Variants in TTC39B observed in about 807,000 individuals in gnomAD.
The protein encoded by TTC39B is tetratricopeptide repeat domain 39B.
In TTC39B, 92 loss-of-function variants were observed where a neutral mutation model predicts 96.6. That is an observed-to-expected ratio of 0.95 (90% CI 0.80 to 1.13). The LOEUF (loss-of-function observed/expected upper bound fraction) is 1.13, where lower values mean the gene tolerates loss of function less well. Ranked by LOEUF, TTC39B falls within the 50% of genes most tolerant of loss-of-function variation. The pLI is 0.00. For missense variants in TTC39B, 955 were observed against 809.3 expected (o/e 1.18, Z -2.18); for synonymous variants, 367 against 299.4 (o/e 1.23, Z -2.33).
chr9:15,296,769 T>C (rs1824395617), intron 1 of TTC39B, among the ~76,000 whole-genome samples: 1 of 152,102 alleles, frequency 6.6e-6, no homozygotes, highest in African/African-American at 2.4e-5. Context: ...AGTGCTGGGA[T>C]TACAGACATG....
chr9:15,257,916 G>A (rs919699380), intron 2 of TTC39B, among the ~76,000 whole-genome samples: 13 of 151,902 alleles, frequency 8.6e-5, no homozygotes, highest in African/African-American at 2.2e-4. Context: ...AAAATTAGCC[G>A]GGCACGGTGG....
chr9:15,177,276 T>C (rs192659347), intron 18 of TTC39B, among the ~76,000 whole-genome samples: 14 of 152,120 alleles, frequency 9.2e-5, no homozygotes, highest in Admixed American at 7.9e-4. Context: ...CAGGCTGCAG[T>C]GAGCCATGAT....
rs533136916 is a variant in TTC39B at position 15,294,160 on chromosome 9, G to A, written c.240+12924C>T. 3.4e-3 allele frequency among the ~76,000 whole-genome samples: 524 copies of A among 152,222 alleles called. 3 individuals carry two copies. The highest frequency in any genetic ancestry group is 5.3e-3 in the Non-Finnish European group (360 of 68,024). The stretch of plus-strand genomic sequence containing the variant: ...GTGCACAGATTTTAAGAGGCAAGGC[G>A]AAAATGGACTTGCATTTTAGAAAGA... On this transcript the variant is annotated intron_variant, in intron 1 of 19. Transcript: ENST00000512701.
chr9:15,253,740 T>C (rs1822649556), intron 2 of TTC39B, among the ~76,000 whole-genome samples: 1 of 152,144 alleles, frequency 6.6e-6, no homozygotes, highest in Non-Finnish European at 1.5e-5. Context: ...ATTTTCTCTT[T>C]GAAATGGGCT....
chr9:15,212,141 T>A (rs920364281), intron 4 of TTC39B, among the ~76,000 whole-genome samples: 4 of 152,224 alleles, frequency 2.6e-5, no homozygotes, highest in African/African-American at 9.7e-5. Context: ...AATGCATGGT[T>A]TTGTTTTTAA....
intron 2 of TTC39B, among the ~76,000 whole-genome samples, chr9:15,252,415 G>A (rs1178185715): frequency 2.0e-5 from 3 of 152,154 alleles, no homozygotes; most frequent in Admixed American, 1.3e-4. Flanking sequence ...TTGGGAGGCC[G>A]AGACGGGCGG....
intron 2 of TTC39B, among the ~76,000 whole-genome samples, chr9:15,240,370 A>C (rs985171359): frequency 6.6e-6 from 1 of 152,264 alleles, no homozygotes; most frequent in African/African-American, 2.4e-5. Context: ...GCGAATAGAT[A>C]AACTAGATAA....
At chr9:15,225,999 C>G in exon 3 of TTC39B, 2 of 1,613,710 alleles carry the variant, frequency 1.2e-6, no homozygotes, top group Non-Finnish European at 1.7e-6. Context: ...GTTGCCATAT[C>G]TGAGTGAGAA....
At chr9:15,299,159 C>A (rs1322973834) in intron 1 of TTC39B, among the ~76,000 whole-genome samples, 1 of 152,178 alleles carries the variant, frequency 6.6e-6, no homozygotes, top group Non-Finnish European at 1.5e-5. Context: ...CAGCACCTAA[C>A]ACAATACTCA....
chr9:15,285,458 A>T (rs1587008679), intron 1 of TTC39B, among the ~76,000 whole-genome samples: 1 of 152,230 alleles, frequency 6.6e-6, no homozygotes, highest in East Asian at 1.9e-4. Flanking sequence ...AATTACCCTG[A>T]TGTGATTACT....
At chr9:15,260,806 T>G (rs1050666603) in intron 2 of TTC39B, among the ~76,000 whole-genome samples, 2 of 137,796 alleles carry the variant, frequency 1.5e-5, no homozygotes, top group African/African-American at 6.9e-5. Context: ...TATTGTAAGC[T>G]TCTAATTACC....
At chr9:15,242,172 T>C (rs1309326077) in intron 2 of TTC39B, among the ~76,000 whole-genome samples, 1 of 152,140 alleles carries the variant, frequency 6.6e-6, no homozygotes, top group Non-Finnish European at 1.5e-5. Context: ...ACTGTGCTGG[T>C]TGATTAAATA....
intron 8 of TTC39B, among the ~76,000 whole-genome samples, chr9:15,198,697 G>A (rs952615065): frequency 1.5e-4 from 23 of 151,614 alleles, no homozygotes; most frequent in Non-Finnish European, 2.9e-5. Context: ...GAAAAAAGGG[G>A]GAGAGAACAG....
intron 1 of TTC39B, among the ~76,000 whole-genome samples, chr9:15,271,432 G>C (rs577359567): frequency 6.6e-6 from 1 of 152,346 alleles, no homozygotes; most frequent in South Asian, 2.1e-4. Flanking sequence ...TTTTTCCACA[G>C]ATGATGGGGG....
At chr9:15,233,742 A>G (rs938808547) in intron 2 of TTC39B, among the ~76,000 whole-genome samples, 15 of 152,254 alleles carry the variant, frequency 9.9e-5, no homozygotes, top group African/African-American at 3.4e-4. Context: ...TTGGCCTCCC[A>G]AAGAGCCGAG....
At chr9:15,214,162 G>A (rs150108215) in exon 4 of TTC39B, 159 of 1,613,620 alleles carry the variant, frequency 9.9e-5, no homozygotes, top group African/African-American at 1.7e-4. Flanking sequence ...ATTCTAAGGC[G>A]TCTGTAAATT....
chr9:15,272,031 C>A (rs1823373596), intron 1 of TTC39B, among the ~76,000 whole-genome samples: 1 of 152,210 alleles, frequency 6.6e-6, no homozygotes, highest in Non-Finnish European at 1.5e-5. Context: ...AAGGCAGAGA[C>A]TGCTCATGCA....
At chr9:15,208,318 C>A (rs548794190) in intron 6 of TTC39B, among the ~76,000 whole-genome samples, 2 of 151,854 alleles carry the variant, frequency 1.3e-5, no homozygotes, top group Non-Finnish European at 2.9e-5. Context: ...CCACCACACC[C>A]GGCCAAATTA....
chr9:15,167,265 C>G (rs1817548362), exon 20 of TTC39B: 1 of 117,642 alleles, frequency 8.5e-6, no homozygotes, highest in Non-Finnish European at 1.7e-5. Flanking sequence ...AGGCTGGCCT[C>G]AAACCCCTGG....
Sources: allele counts gnomAD v4.1 joint callset (sites outside exome capture counted in the v4.1 genomes callset), GRCh38; gene constraint gnomAD v4.1.1; transcripts MANE v1.5; gene names NCBI Gene and HGNC (gene_info 2026-07-23, HGNC 2026-07-21).